AKAP6: variants seen among roughly 807,000 people sequenced by gnomAD.
The protein encoded by AKAP6 is A-kinase anchor protein 6.
Under a neutral mutation model 188.5 loss-of-function variants are expected in AKAP6, and 58 were observed. The observed-to-expected ratio is 0.31, with a 90% confidence interval of 0.25 to 0.38. AKAP6 has a LOEUF of 0.38. Among genes scored for constraint, AKAP6 ranks in the 10% least tolerant of loss-of-function variants. The pLI, the probability that AKAP6 is intolerant of heterozygous loss-of-function variation, is 1.00. For missense variants in AKAP6, 2,710 were observed against 2,740.0 expected (o/e 0.99, Z 0.24); for synonymous variants, 989 against 998.6 (o/e 0.99, Z 0.18).
intron 3 of AKAP6, among the ~76,000 whole-genome samples, chr14:32,540,859 G>GT (rs1035362626): frequency 1.7e-3 from 241 of 140,314 alleles, no homozygotes; most frequent in African/African-American, 4.1e-3. Context: ...GTTTTGCTTT[G>GT]TTTTTTTTTT....
intron 11 of AKAP6, among the ~76,000 whole-genome samples, chr14:32,745,314 A>G (rs577725783): frequency 1.3e-5 from 2 of 152,138 alleles, no homozygotes; most frequent in African/African-American, 4.8e-5. Flanking sequence ...TTTAGGGAGC[A>G]CCCTAAACCC....
chr14:32,690,737 A>C (rs992798479), intron 8 of AKAP6, among the ~76,000 whole-genome samples: 67 of 152,306 alleles, frequency 4.4e-4, no homozygotes, highest in African/African-American at 1.6e-3. Flanking sequence ...AAATACATTT[A>C]TAGTTCTATA....
At chr14:32,599,112 C>T (rs1442193509) in intron 5 of AKAP6, among the ~76,000 whole-genome samples, 2 of 152,066 alleles carry the variant, frequency 1.3e-5, no homozygotes, top group African/African-American at 4.8e-5. Flanking sequence ...AGCAGAAATT[C>T]AGTATATTTT....
chr14:32,560,701 C>T (rs968377695), intron 4 of AKAP6, among the ~76,000 whole-genome samples: 1 of 152,042 alleles, frequency 6.6e-6, no homozygotes, highest in Non-Finnish European at 1.5e-5. Flanking sequence ...CTCAACATTG[C>T]GTTTTTATTA....
At chr14:32,526,435 A>G (rs1170508024) in intron 2 of AKAP6, among the ~76,000 whole-genome samples, 4 of 151,940 alleles carry the variant, frequency 2.6e-5, no homozygotes, top group South Asian at 2.1e-4. Context: ...GTTTCACCAC[A>G]TTGCCCCGGC....
chr14:32,747,541 C>G (rs1467923581), intron 11 of AKAP6, among the ~76,000 whole-genome samples: 2 of 152,276 alleles, frequency 1.3e-5, no homozygotes, highest in Middle Eastern at 3.4e-3. Flanking sequence ...TATTCATCAA[C>G]AGTCTTTTAT....
chr14:32,613,777 T>C (rs1886446365), intron 7 of AKAP6, among the ~76,000 whole-genome samples: 1 of 152,296 alleles, frequency 6.6e-6, no homozygotes, highest in Admixed American at 6.5e-5. Context: ...ATTGTTCCTC[T>C]TCTTAACGAG....
intron 9 of AKAP6, among the ~76,000 whole-genome samples, chr14:32,709,496 G>A (rs925041726): frequency 1.3e-5 from 2 of 151,972 alleles, no homozygotes; most frequent in African/African-American, 4.8e-5. Context: ...TTCCAAAGTT[G>A]ATCTCTAAGA....
chr14:32,778,659 G>C (rs1195615895), intron 12 of AKAP6, among the ~76,000 whole-genome samples: 1 of 151,694 alleles, frequency 6.6e-6, no homozygotes, highest in African/African-American at 2.4e-5. Context: ...CAGGTCTCCT[G>C]CCTCAGTCTC....
intron 7 of AKAP6, among the ~76,000 whole-genome samples, chr14:32,634,197 A>G (rs1467400956): frequency 6.6e-6 from 1 of 152,024 alleles, no homozygotes; most frequent in Non-Finnish European, 1.5e-5. Context: ...CAACCTATCT[A>G]AGCTTCAATT....
intron 12 of AKAP6, 29 bp from the exon 13 acceptor site, chr14:32,821,373 C>CTCCTTT (rs1336699837): frequency 1.3e-6 from 2 of 1,541,688 alleles, no homozygotes; most frequent in African/African-American, 2.8e-5. Flanking sequence ...CCTAATTCTT[C>CTCCTTT]TCCTTTTCTT....
intron 1 of AKAP6, among the ~76,000 whole-genome samples, chr14:32,394,313 T>G (rs17098967): frequency 0.14 from 20,713 of 152,086 alleles, 2,237 homozygotes; most frequent in African/African-American, 0.28. Flanking sequence ...ATTGCTTGAC[T>G]CAAATGCTTT....
At chr14:32,689,459 A>T (rs1890075133) in intron 8 of AKAP6, among the ~76,000 whole-genome samples, 1 of 152,188 alleles carries the variant, frequency 6.6e-6, no homozygotes, top group Admixed American at 6.5e-5. Flanking sequence ...GTATATATAA[A>T]AACTGAGGAA....
At chr14:32,578,524 A>T (rs1174645501) in intron 5 of AKAP6, among the ~76,000 whole-genome samples, 1 of 152,070 alleles carries the variant, frequency 6.6e-6, no homozygotes, top group East Asian at 1.9e-4. Flanking sequence ...TTTTTTAAAG[A>T]GGGCATTTCA....
chr14:32,617,933 G>A (rs993431839), intron 7 of AKAP6, among the ~76,000 whole-genome samples: 2 of 151,796 alleles, frequency 1.3e-5, no homozygotes, highest in African/African-American at 4.8e-5. Context: ...AGCCCTTCAG[G>A]TCATTTTTTT....
rs777397623 is a variant in AKAP6 at position 32,822,669 on chromosome 14, G to T, written c.4856G>T (p.Ser1619Ile). 3 of 1,614,028 alleles carry T rather than the reference G, an allele frequency of 1.9e-6. No individual in the cohort carries two copies. Among genetic ancestry groups the T allele is most frequent in the Non-Finnish European group, 2.5e-6 (3 of 1,179,942 alleles). The change falls in exon 13 of 14, where the codon AGC becomes ATC. Residue 1619 changes from serine (S) to isoleucine (I), a missense_variant. Coordinates refer to ENST00000280979, the MANE Select transcript of AKAP6 (RefSeq NM_004274.5). ...AGCTGTCACAGCTCTGGGGATATAA[G>T]CGTGAGCAGTGGCTCAGTTGGTGAA... ...LFSCHSSGDI[S>I]VSSGSVGELS... is the part of the protein sequence containing the mutation.
intron 2 of AKAP6, among the ~76,000 whole-genome samples, chr14:32,528,407 T>C (rs1882237359): frequency 1.3e-5 from 2 of 152,114 alleles, no homozygotes; most frequent in Admixed American, 6.5e-5. Flanking sequence ...AGATGTCCAG[T>C]TCCAGCACCG....
chr14:32,687,812 G>C (rs778250294), intron 8 of AKAP6, among the ~76,000 whole-genome samples: 1 of 152,020 alleles, frequency 6.6e-6, no homozygotes, highest in African/African-American at 2.4e-5. Flanking sequence ...ATTAAAATGT[G>C]CCTGGCTGCT....
intron 12 of AKAP6, among the ~76,000 whole-genome samples, chr14:32,795,506 A>G (rs1361249628): frequency 6.6e-6 from 1 of 152,226 alleles, no homozygotes; most frequent in Non-Finnish European, 1.5e-5. Context: ...AATAAATGTG[A>G]TTCATCACAT....
Sources: allele counts gnomAD v4.1 joint callset (sites outside exome capture counted in the v4.1 genomes callset), GRCh38; gene constraint gnomAD v4.1.1; transcripts MANE v1.5; gene names NCBI Gene and HGNC (gene_info 2026-07-23, HGNC 2026-07-21).